The following LHFPL3 variants were observed in gnomAD, a reference collection of about 807,000 sequenced individuals.
LHFPL3 encodes LHFPL tetraspan subfamily member 3.
In LHFPL3, 5 loss-of-function variants were observed where a neutral mutation model predicts 19.3. That is an observed-to-expected ratio of 0.26 (90% confidence interval 0.14 to 0.54). The LOEUF (loss-of-function observed/expected upper bound fraction) is 0.54, where lower values mean the gene tolerates loss of function less well. Ranked by LOEUF, LHFPL3 falls within the 20% of genes least tolerant of loss-of-function variation. The pLI is 0.94. For synonymous variants in LHFPL3, 133 were observed against 126.2 expected (o/e 1.05, Z -0.36); for missense variants, 249 against 307.4 (o/e 0.81, Z 1.42).
intron 1 of LHFPL3, among the ~76,000 whole-genome samples, chr7:104,395,538 T>A (rs561379967): frequency 1.3e-5 from 2 of 152,324 alleles, no homozygotes; most frequent in Admixed American, 1.3e-4. Context: ...AGAGACACTC[T>A]CCATAATTTT....
At chr7:104,372,162 G>A (rs1019239749) in intron 1 of LHFPL3, among the ~76,000 whole-genome samples, 1 of 152,178 alleles carries the variant, frequency 6.6e-6, no homozygotes, top group Non-Finnish European at 1.5e-5. Flanking sequence ...TCTTCCTGTA[G>A]CTGGAGGTGC....
At chr7:104,393,999 A>C (rs1200316367) in intron 1 of LHFPL3, among the ~76,000 whole-genome samples, 1 of 152,184 alleles carries the variant, frequency 6.6e-6, no homozygotes, top group Admixed American at 6.6e-5. Flanking sequence ...GAGGCTGATG[A>C]GAAGGTTCTA....
chr7:104,555,428 A>G (rs1794744791), intron 1 of LHFPL3, among the ~76,000 whole-genome samples: 1 of 152,212 alleles, frequency 6.6e-6, no homozygotes, highest in Non-Finnish European at 1.5e-5. Context: ...GGCAAGGAGG[A>G]GCAAGTCACA....
chr7:104,740,726 G>A (rs1330592577), intron 2 of LHFPL3, among the ~76,000 whole-genome samples: 2 of 152,156 alleles, frequency 1.3e-5, no homozygotes, highest in Non-Finnish European at 2.9e-5. Flanking sequence ...CAGTATAGGG[G>A]AAACCGCCCC....
intron 1 of LHFPL3, among the ~76,000 whole-genome samples, chr7:104,533,755 T>C (rs1794345134): frequency 2.0e-5 from 3 of 152,236 alleles, no homozygotes; most frequent in Non-Finnish European, 4.4e-5. Context: ...TTGACTGCAC[T>C]GTTTGCTTCC....
intron 1 of LHFPL3, among the ~76,000 whole-genome samples, chr7:104,520,941 A>T: frequency 6.7e-6 from 1 of 148,238 alleles, no homozygotes. Flanking sequence ...TTGTGTCTCT[A>T]TTTCCTTCAG....
At chr7:104,433,927 G>T (rs1207187318) in intron 1 of LHFPL3, among the ~76,000 whole-genome samples, 3 of 152,036 alleles carry the variant, frequency 2.0e-5, no homozygotes, top group Non-Finnish European at 4.4e-5. Flanking sequence ...TTAAATCAAT[G>T]GATAAAAATA....
chr7:104,840,803 T>TA (rs1791188386), intron 2 of LHFPL3, among the ~76,000 whole-genome samples: 1 of 152,078 alleles, frequency 6.6e-6, no homozygotes, highest in African/African-American at 2.4e-5. Flanking sequence ...ATCACCCAAA[T>TA]AAAAAATACT....
chr7:104,540,139 A>T (rs1366413225), intron 1 of LHFPL3, among the ~76,000 whole-genome samples: 1 of 152,172 alleles, frequency 6.6e-6, no homozygotes, highest in Non-Finnish European at 1.5e-5. Context: ...TCATTCAGTG[A>T]TGTGCTATAG....
intron 1 of LHFPL3, among the ~76,000 whole-genome samples, chr7:104,591,113 A>T (rs973874529): frequency 1.3e-5 from 2 of 152,148 alleles, no homozygotes; most frequent in Non-Finnish European, 2.9e-5. Flanking sequence ...ACCCATTTAC[A>T]TTTAAGGATA....
intron 1 of LHFPL3, among the ~76,000 whole-genome samples, chr7:104,564,770 C>G (rs1288190482): frequency 6.6e-6 from 1 of 152,176 alleles, no homozygotes; most frequent in South Asian, 2.1e-4. Context: ...GCTGGGACCT[C>G]TGCTTCTGAA....
rs75702266 is a variant in LHFPL3 at position 104,605,799 on chromosome 7, T to C, written c.446-130876T>C. Reference sequence around the variant, plus strand: ...TTGATGCAACTGCAGGAAAAAAACATCAGACTGTTACATTTAGAGGGCAGA... The same window carrying C: ...TTGATGCAACTGCAGGAAAAAAACACCAGACTGTTACATTTAGAGGGCAGA... On this transcript the variant is annotated intron_variant, in intron 1 of 2. Coordinates refer to ENST00000424859, the MANE Select transcript of LHFPL3 (RefSeq NM_199000.3). 4.3e-3 allele frequency among the ~76,000 whole-genome samples: 659 copies of C among 151,852 alleles called. 35 individuals are homozygous for C. In the East Asian group the frequency reaches 0.1, roughly 23 times the overall value.
chr7:104,897,425 A>T (rs1433340546), intron 2 of LHFPL3, among the ~76,000 whole-genome samples: 1 of 152,220 alleles, frequency 6.6e-6, no homozygotes. Context: ...TACAATAAAC[A>T]CCCATAAGGA....
intron 1 of LHFPL3, among the ~76,000 whole-genome samples, chr7:104,733,471 A>G (rs1275048595): frequency 1.3e-5 from 2 of 152,170 alleles, no homozygotes; most frequent in Non-Finnish European, 2.9e-5. Context: ...CTTTACCATT[A>G]TGTAATGGCC....
intron 2 of LHFPL3, among the ~76,000 whole-genome samples, chr7:104,842,532 A>T (rs769018545): frequency 2.0e-5 from 3 of 152,208 alleles, no homozygotes; most frequent in Non-Finnish European, 4.4e-5. Flanking sequence ...GGGGTCCTGC[A>T]GGCTGATGAG....
At chr7:104,526,450 T>A (rs1241222398) in intron 1 of LHFPL3, among the ~76,000 whole-genome samples, 1 of 152,226 alleles carries the variant, frequency 6.6e-6, no homozygotes, top group Non-Finnish European at 1.5e-5. Context: ...ATCCAAGCTC[T>A]GTAGTTACAA....
intron 1 of LHFPL3, among the ~76,000 whole-genome samples, chr7:104,732,315 G>A (rs1421821789): frequency 6.6e-6 from 1 of 152,172 alleles, no homozygotes; most frequent in Non-Finnish European, 1.5e-5. Context: ...GCTGCTCCTT[G>A]TACCTCTGGT....
At chr7:104,478,281 G>T (rs1793064669) in intron 1 of LHFPL3, among the ~76,000 whole-genome samples, 1 of 152,054 alleles carries the variant, frequency 6.6e-6, no homozygotes, top group East Asian at 1.9e-4. Flanking sequence ...AAATTACCTG[G>T]ATGGAAAGAT....
chr7:104,687,148 G>T (rs1584480492), intron 1 of LHFPL3, among the ~76,000 whole-genome samples: 1 of 152,186 alleles, frequency 6.6e-6, no homozygotes, highest in South Asian at 2.1e-4. Context: ...TGACTTCTTT[G>T]CTGGGCAGCT....
Sources: gnomAD v4.1 joint callset for allele counts (sites outside exome capture counted in the v4.1 genomes callset) on GRCh38, gnomAD v4.1.1 for gene constraint, MANE v1.5 for transcripts, NCBI Gene and HGNC (gene_info 2026-07-23, HGNC 2026-07-21) for gene names.